DAAM2: variants seen among roughly 807,000 people sequenced by gnomAD.
The protein encoded by DAAM2 is disheveled-associated activator of morphogenesis 2.
A neutral mutation model predicts 120.7 loss-of-function variants in DAAM2; 39 were observed. The observed-to-expected ratio is 0.32, with a 90% CI of 0.25 to 0.42. DAAM2 has a LOEUF of 0.42. Ranked by LOEUF, DAAM2 falls within the 10% of genes least tolerant of loss-of-function variation. The pLI, the probability that DAAM2 is intolerant of heterozygous loss-of-function variation, is 1.00. For synonymous variants in DAAM2, 488 were observed against 524.9 expected, an observed-to-expected ratio of 0.93 and a Z score of 0.96; for missense variants, 1,283 against 1,401.7, an observed-to-expected ratio of 0.92 and a Z score of 1.35.
intron 1 of DAAM2, among the ~76,000 whole-genome samples, chr6:39,797,744 C>T (rs1295825573): frequency 2.0e-5 from 3 of 152,308 alleles, no homozygotes; most frequent in African/African-American, 7.2e-5. Flanking sequence ...AAAGAAACAG[C>T]CAAGACTTTG....
At chr6:39,887,716 G>GGAT (rs1765461245) in intron 16 of DAAM2, 124 bp downstream of exon 16, 1 of 681,062 alleles carries the variant, frequency 1.5e-6, no homozygotes, top group Non-Finnish European at 2.6e-6. Flanking sequence ...GCATTGATCT[G>GGAT]GAACTGTCTC....
intron 1 of DAAM2, among the ~76,000 whole-genome samples, chr6:39,843,331 G>T (rs1294182867): frequency 6.6e-6 from 1 of 152,150 alleles, no homozygotes; most frequent in African/African-American, 2.4e-5. Flanking sequence ...CGATGGGGAA[G>T]AAAGATCAGG....
At chr6:39,827,835 C>A (rs1421001542) in intron 1 of DAAM2, among the ~76,000 whole-genome samples, 11 of 125,878 alleles carry the variant, frequency 8.7e-5, no homozygotes, top group Non-Finnish European at 1.6e-4. Context: ...TGGAGTACTT[C>A]TTGGGTCATC....
chr6:39,831,205 C>T (rs1327634792), intron 1 of DAAM2, among the ~76,000 whole-genome samples: 3 of 152,110 alleles, frequency 2.0e-5, no homozygotes, highest in Admixed American at 2.0e-4. Context: ...AATATACATT[C>T]TTGTGGGAGG....
intron 22 of DAAM2, among the ~76,000 whole-genome samples, chr6:39,899,347 G>A (rs3818297): frequency 0.012 from 1,860 of 152,280 alleles, 17 homozygotes; most frequent in East Asian, 0.047. Context: ...GCCAGTGGAG[G>A]ACCCAGGTCT....
At chr6:39,815,414 C>A (rs1028269005) in intron 1 of DAAM2, among the ~76,000 whole-genome samples, 2 of 152,164 alleles carry the variant, frequency 1.3e-5, no homozygotes, top group Admixed American at 1.3e-4. Context: ...TGTCCCTGAG[C>A]AAGTGGCATA....
chr6:39,821,522 G>A (rs1299356016), intron 1 of DAAM2: 1 of 152,290 alleles, frequency 6.6e-6, no homozygotes, highest in Admixed American at 6.5e-5. Context: ...ATTGTGGATT[G>A]CAGATTTTGG....
intron 17 of DAAM2, 193 bp downstream of exon 17, chr6:39,888,956 G>A: frequency 2.6e-6 from 1 of 377,662 alleles, no homozygotes; most frequent in Non-Finnish European, 4.8e-6. Flanking sequence ...TGTTCTCCAG[G>A]AGTCATTCTC....
intron 1 of DAAM2, among the ~76,000 whole-genome samples, chr6:39,836,278 T>G (rs1763100067): frequency 6.6e-6 from 1 of 152,180 alleles, no homozygotes; most frequent in African/African-American, 2.4e-5. Flanking sequence ...TCTCTTGGTA[T>G]GCTTGCCTGC....
chr6:39,852,333 T>G (rs1268691288), intron 1 of DAAM2, among the ~76,000 whole-genome samples: 1 of 152,156 alleles, frequency 6.6e-6, no homozygotes, highest in Admixed American at 6.5e-5. Flanking sequence ...CACTTCACCT[T>G]CTCCTCTCCC....
chr6:39,849,527 T>G (rs1763727899), intron 1 of DAAM2, among the ~76,000 whole-genome samples: 1 of 152,186 alleles, frequency 6.6e-6, no homozygotes, highest in African/African-American at 2.4e-5. Context: ...CTATTATATT[T>G]CCCCTGTTTT....
intron 1 of DAAM2, chr6:39,821,805 G>A (rs536698627): frequency 4.6e-5 from 7 of 152,328 alleles, no homozygotes; most frequent in Non-Finnish European, 7.3e-5. Flanking sequence ...AGTGAGTGCT[G>A]TTTGTGAAGA....
At chr6:39,830,634 C>A (rs575400433) in intron 1 of DAAM2, among the ~76,000 whole-genome samples, 1 of 152,320 alleles carries the variant, frequency 6.6e-6, no homozygotes, top group African/African-American at 2.4e-5. Context: ...CCCACCTCCC[C>A]CAAGGCCAGG....
chr6:39,815,447 T>C (rs1237127737), intron 1 of DAAM2, among the ~76,000 whole-genome samples: 1 of 152,150 alleles, frequency 6.6e-6, no homozygotes, highest in Non-Finnish European at 1.5e-5. Flanking sequence ...TGCAGACCTC[T>C]TATCCCTAAT....
At chr6:39,837,430 C>A (rs1763143041) in intron 1 of DAAM2, among the ~76,000 whole-genome samples, 1 of 152,004 alleles carries the variant, frequency 6.6e-6, no homozygotes, top group South Asian at 2.1e-4. Context: ...TCTCGAACTC[C>A]TGACCTCAGG....
intron 9 of DAAM2, among the ~76,000 whole-genome samples, chr6:39,872,431 A>G (rs1582711200): frequency 1.3e-5 from 2 of 152,164 alleles, no homozygotes. Flanking sequence ...ATTGCATGTG[A>G]TTAGTCTCAA....
chr6:39,808,857 C>G (rs903291458), intron 1 of DAAM2, among the ~76,000 whole-genome samples: 16 of 152,216 alleles, frequency 1.1e-4, no homozygotes. Flanking sequence ...TCTCTGCATC[C>G]TGCTTATTTA....
chr6:39,820,500 A>C (rs1003058191), intron 1 of DAAM2: 4 of 152,162 alleles, frequency 2.6e-5, no homozygotes, highest in African/African-American at 9.7e-5. Context: ...CGTAGAATAC[A>C]TTTATCTTCT....
chr6:39,864,332 C>T, intron 3 of DAAM2, 101 bp from the exon 4 acceptor site: 1 of 864,708 alleles, frequency 1.2e-6, no homozygotes, highest in Non-Finnish European at 1.9e-6. Flanking sequence ...ATGGGCAGAG[C>T]TGAGAAATGA....
Sources: allele counts gnomAD v4.1 joint callset (sites outside exome capture counted in the v4.1 genomes callset), GRCh38; gene constraint gnomAD v4.1.1; transcripts MANE v1.5; gene names NCBI Gene and HGNC (gene_info 2026-07-23, HGNC 2026-07-21).